Variants in ADARB2 observed in about 807,000 individuals in gnomAD.
The protein encoded by ADARB2 is inactive double-stranded RNA-specific editase B2.
In ADARB2, 25 loss-of-function variants were observed where a neutral mutation model predicts 62.2. That is an observed-to-expected ratio of 0.40 (90% CI 0.29 to 0.56). ADARB2 has a LOEUF of 0.56. Among genes scored for constraint, ADARB2 ranks in the 20% least tolerant of loss-of-function variants. ADARB2 has a pLI of 0.43. For missense variants in ADARB2, 1,071 were observed against 1,077.4 expected, an observed-to-expected ratio of 0.99 and a Z score of 0.08; for synonymous variants, 572 against 500.8, an observed-to-expected ratio of 1.14 and a Z score of -1.90.
intron 1 of ADARB2, among the ~76,000 whole-genome samples, chr10:1,523,934 T>C (rs1163980304): frequency 6.6e-6 from 1 of 152,202 alleles, no homozygotes; most frequent in Non-Finnish European, 1.5e-5. Flanking sequence ...CTACTCAATA[T>C]CCACCCATGC....
At chr10:1,503,806 C>A (rs1831797851) in intron 1 of ADARB2, among the ~76,000 whole-genome samples, 1 of 152,086 alleles carries the variant, frequency 6.6e-6, no homozygotes, top group Non-Finnish European at 1.5e-5. Context: ...CGCCCCGCCC[C>A]CTTGCTCCTA....
At position 1,312,597 on chromosome 10, in the gene ADARB2, T is replaced by C. The variant is rs567288928; in HGVS notation, c.1078-41528A>G. Among the ~76,000 whole-genome samples, 3 of 152,352 alleles carry C rather than the reference T, an allele frequency of 2.0e-5. No homozygotes were observed. The East Asian group carries it at 5.8e-4, about 29-fold the overall frequency. The stretch of plus-strand genomic sequence containing the variant: ...TTCACTCCAGGTGCGGTGATAAGCA[T>C]GCACATCTCCCTTTGGCTGTCACAG... On this transcript the variant is annotated intron_variant, in intron 3 of 9. Transcript: ENST00000381312.
rs187787475 is a variant in ADARB2 at position 1,483,049 on chromosome 10, G to C, written c.101-103889C>G. ...ATGATTTTATTTCATTTCCTGTTTA[G>C]TTACACTAAAAGCATCCTAGTAACT... On this transcript the variant is annotated intron_variant, in intron 1 of 9. Transcript: ENST00000381312. Among the ~76,000 whole-genome samples, 9 of 152,008 alleles carry C rather than the reference G, an allele frequency of 5.9e-5. No homozygotes were observed. In the East Asian group the frequency reaches 1.7e-3, roughly 29 times the overall value.
intron 3 of ADARB2, among the ~76,000 whole-genome samples, chr10:1,276,502 CTTTAG>C (rs894512584): frequency 2.0e-5 from 3 of 152,078 alleles, no homozygotes; most frequent in African/African-American, 7.2e-5. Context: ...TGCAGAAGCT[CTTTAG>C]TTTAATTAGA....
intron 3 of ADARB2, among the ~76,000 whole-genome samples, chr10:1,333,813 C>A (rs1324696204): frequency 6.6e-6 from 1 of 152,160 alleles, no homozygotes; most frequent in Non-Finnish European, 1.5e-5. Flanking sequence ...TCCAACTTAC[C>A]TGTAATGCCA....
chr10:1,211,545 C>T (rs1386188565), intron 7 of ADARB2, among the ~76,000 whole-genome samples: 1 of 152,170 alleles, frequency 6.6e-6, no homozygotes, highest in Non-Finnish European at 1.5e-5. Flanking sequence ...GAGGGCCTCC[C>T]GGGTTCAGAC....
chr10:1,715,745 G>T (rs11250758), intron 1 of ADARB2, among the ~76,000 whole-genome samples: 1 of 152,162 alleles, frequency 6.6e-6, no homozygotes, highest in African/African-American at 2.4e-5. Context: ...CTCCTGGAGC[G>T]ACCAGCTGGT....
chr10:1,369,935 G>A lies in ADARB2; in HGVS notation c.188-6018C>T, dbSNP rs1236029936. On this transcript the variant is annotated intron_variant, in intron 2 of 9. Transcript: ENST00000381312. ...CACAGAGGTGGATTCCAGTGGCTGG[G>A]TGCTGGCAGTGTGACCTGGCCCATC... Among the ~76,000 whole-genome samples the A allele has an allele frequency of 2.0e-5, 3 of 152,222 alleles. 1 individual carries two copies. The highest frequency in any genetic ancestry group is 6.5e-5 in the Admixed American group (1 of 15,284).
intron 1 of ADARB2, among the ~76,000 whole-genome samples, chr10:1,699,098 G>A (rs1834786743): frequency 6.6e-6 from 1 of 152,250 alleles, no homozygotes; most frequent in Non-Finnish European, 1.5e-5. Context: ...GGTCAAGGCT[G>A]ACACTGCAGT....
intron 1 of ADARB2, among the ~76,000 whole-genome samples, chr10:1,611,646 C>T (rs12217934): frequency 0.99 from 150,819 of 152,306 alleles, 74,695 homozygotes; most frequent in Middle Eastern, 1. Flanking sequence ...AATACGGGAA[C>T]ATGACACATA....
Position 1,677,692 on chromosome 10 carries a change from A to G in ADARB2, c.100+59359T>C, listed in dbSNP as rs1459419623. On this transcript the variant is annotated intron_variant, in intron 1 of 9. Transcript: ENST00000381312. ...TACCTTTTAGATCCACACTACAGCT[A>G]TGTATTTGCATAACTCAGCTTTGGC... Among the ~76,000 whole-genome samples, 4 of 152,278 alleles carry G rather than the reference A, an allele frequency of 2.6e-5. No homozygotes were observed. The East Asian group carries it at 7.7e-4, about 29-fold the overall frequency.
At chr10:1,472,225 T>C (rs1322842986) in intron 1 of ADARB2, among the ~76,000 whole-genome samples, 3 of 152,170 alleles carry the variant, frequency 2.0e-5, no homozygotes, top group Non-Finnish European at 4.4e-5. Flanking sequence ...GGAGGTGCTA[T>C]GGCTGTGGCA....
At chr10:1,242,100 C>T in intron 5 of ADARB2, 31 bp downstream of exon 5, 1 of 1,573,494 alleles carries the variant, frequency 6.4e-7, no homozygotes, top group Non-Finnish European at 8.6e-7. Flanking sequence ...GCGGCGTCCG[C>T]CTTCCCTGGA....
chr10:1,378,260 G>A (rs1426193432), intron 2 of ADARB2, among the ~76,000 whole-genome samples: 1 of 152,150 alleles, frequency 6.6e-6, no homozygotes, highest in Non-Finnish European at 1.5e-5. Context: ...GCCATCCTGA[G>A]GACACTGCTT....
chr10:1,554,804 T>A (rs1408734061), intron 1 of ADARB2, among the ~76,000 whole-genome samples: 1 of 152,174 alleles, frequency 6.6e-6, no homozygotes, highest in African/African-American at 2.4e-5. Flanking sequence ...CGGGGTATAC[T>A]GTGTGACGCT....
intron 3 of ADARB2, among the ~76,000 whole-genome samples, chr10:1,335,716 C>T (rs977073520): frequency 6.6e-6 from 1 of 152,174 alleles, no homozygotes. Flanking sequence ...ATAAGTGAGT[C>T]CCATCCTAAA....
At chr10:1,264,868 G>C (rs895382363) in intron 4 of ADARB2, among the ~76,000 whole-genome samples, 2 of 152,188 alleles carry the variant, frequency 1.3e-5, no homozygotes, top group African/African-American at 4.8e-5. Flanking sequence ...GAGCGATAAA[G>C]CTGGACCTTA....
chr10:1,639,601 T>C (rs932152512), intron 1 of ADARB2, among the ~76,000 whole-genome samples: 1 of 152,136 alleles, frequency 6.6e-6, no homozygotes, highest in African/African-American at 2.4e-5. Flanking sequence ...TCCCAGCACT[T>C]TGGGAGGCCA....
intron 1 of ADARB2, among the ~76,000 whole-genome samples, chr10:1,686,001 ACTGGC>A (rs1834592965): frequency 6.6e-6 from 1 of 152,224 alleles, no homozygotes; most frequent in African/African-American, 2.4e-5. Flanking sequence ...GCCTTCCCGG[ACTGGC>A]TTCTGTTAAT....
Sources: allele counts gnomAD v4.1 joint callset (sites outside exome capture counted in the v4.1 genomes callset), GRCh38; gene constraint gnomAD v4.1.1; transcripts MANE v1.5; gene names NCBI Gene and HGNC (gene_info 2026-07-23, HGNC 2026-07-21).